GABRR2: variants seen among roughly 807,000 people sequenced by gnomAD.
GABRR2 encodes the protein gamma-aminobutyric acid type A receptor subunit rho2.
Under a neutral mutation model 47.0 loss-of-function variants are expected in GABRR2, and 36 were observed. The observed-to-expected ratio is 0.77, with a 90% CI of 0.59 to 1.01. The LOEUF (loss-of-function observed/expected upper bound fraction) is 1.01. Among genes scored for constraint, GABRR2 ranks in the 50% least tolerant of loss-of-function variants. GABRR2 has a pLI of 0.00. For missense variants in GABRR2, 587 were observed against 594.6 expected (o/e 0.99, Z 0.13); for synonymous variants, 204 against 227.5 (o/e 0.90, Z 0.93).
chr6:89,257,683 G>A lies in GABRR2; in HGVS notation c.1385C>T (p.Ser462Leu), dbSNP rs1159464409. ...GCCTTGGAGCCCCTAGGAAAACACT[G>A]ACCAATAAATTAAGTTGAAAAATAT... ...SYIFFNLIYW[S>L]VFS The change falls in exon 9 of 9, where the codon TCA (serine) becomes TTA (leucine). Residue 462 changes from serine to leucine, a missense_variant. Ser to Leu is a moderately radical substitution (Grantham distance 145). Coordinates refer to ENST00000402938, the MANE Select transcript of GABRR2 (RefSeq NM_002043.5). 5 of 1,612,234 alleles carry A rather than the reference G, an allele frequency of 3.1e-6. No homozygotes were observed. Among genetic ancestry groups the A allele is most frequent in the Non-Finnish European group, 4.2e-6 (5 of 1,178,980 alleles).
intron 1 of GABRR2, among the ~76,000 whole-genome samples, chr6:89,304,080 A>G (rs1310210417): frequency 6.6e-6 from 1 of 152,220 alleles, no homozygotes; most frequent in Non-Finnish European, 1.5e-5. Flanking sequence ...AAAAGCAATT[A>G]CAGCAAAACC....
Position 89,269,160 on chromosome 6 carries a change from C to G in GABRR2, c.363G>C (p.Lys121Asn). The change falls in exon 4 of 9, where the codon AAG becomes AAC. Residue 121 changes from lysine to asparagine, a missense_variant. By Grantham distance (94) the Lys-to-Asn change is moderately conservative. Transcript: ENST00000402938. The stretch of plus-strand genomic sequence containing the variant: ...CCAGCCGGCCATCGAAGGTCATGCT[C>G]TTGTTGCTGGCGCTGGAGAAAGCTA... ...ERLAFSSASN[K>N]SMTFDGRLVK... The G allele has an allele frequency of 6.2e-7, 1 of 1,614,078 alleles. No individual in the cohort carries two copies.
chr6:89,279,014 G>A (rs978368621), intron 2 of GABRR2, among the ~76,000 whole-genome samples: 6 of 152,176 alleles, frequency 3.9e-5, no homozygotes, highest in African/African-American at 1.4e-4. Context: ...GTTTGCTGTG[G>A]CTCACAGTAT....
Position 89,264,330 on chromosome 6 carries a change from C to T in GABRR2, c.1086+82G>A. On this transcript the variant is annotated intron_variant, in intron 8 of 8. Transcript: ENST00000402938. ...CATCTCCTTTTTCTACATGCAACCC[C>T]TGCCTCTGCCCCCTGGCCCAGAAGA... The T allele has an allele frequency of 2.1e-6, 3 of 1,457,540 alleles. No homozygotes were observed. The South Asian group carries it at 4.0e-5, about 19-fold the overall frequency. The allele number at this position is 1,457,540 out of a possible 1,614,324, so 90.3% of individuals were successfully genotyped here. A position where few individuals can be genotyped will look rare whatever the true frequency, so the allele number is the denominator to read the frequency against.
chr6:89,257,972 T>C lies in GABRR2; in HGVS notation c.1096A>G (p.Met366Val). 11 of 1,613,146 alleles carry C rather than the reference T, an allele frequency of 6.8e-6. No homozygotes were observed. Among genetic ancestry groups the C allele is most frequent in the Non-Finnish European group, 9.3e-6 (11 of 1,179,472 alleles). ...GTTTTTGAATGAAGCATTCCACACA[T>C]GCACGGGAACTATGGGCAGCAAGCA... ...ERKLREKFPC[M>V]CGMLHSKTMM... The change falls in exon 9 of 9, where the codon ATG (methionine) becomes GTG (valine). Residue 366 changes from methionine to valine, a missense_variant. Transcript: ENST00000402938.
intron 1 of GABRR2, among the ~76,000 whole-genome samples, chr6:89,305,361 C>A (rs1767540619): frequency 6.6e-6 from 1 of 152,038 alleles, no homozygotes; most frequent in African/African-American, 2.4e-5. Flanking sequence ...ACACATATAC[C>A]ATGAAATACT....
intron 2 of GABRR2, among the ~76,000 whole-genome samples, chr6:89,299,261 C>T (rs1019184171): frequency 2.1e-4 from 32 of 152,144 alleles, no homozygotes; most frequent in African/African-American, 7.7e-4. Context: ...GTGACTCCAT[C>T]AAAACAGCAA....
chr6:89,299,156 C>T (rs1361126224), intron 2 of GABRR2, among the ~76,000 whole-genome samples: 1 of 152,228 alleles, frequency 6.6e-6, no homozygotes, highest in Non-Finnish European at 1.5e-5. Flanking sequence ...CATGCCTCCC[C>T]TCCCTGACCC....
At chr6:89,308,975 T>C (rs1018293521) in intron 1 of GABRR2, among the ~76,000 whole-genome samples, 4 of 151,804 alleles carry the variant, frequency 2.6e-5, no homozygotes, top group African/African-American at 9.7e-5. Flanking sequence ...CGTGACAAAG[T>C]AGGGTAAGGA....
intron 8 of GABRR2, among the ~76,000 whole-genome samples, chr6:89,259,232 G>A (rs1773682196): frequency 6.6e-6 from 1 of 151,998 alleles, no homozygotes; most frequent in African/African-American, 2.4e-5. Context: ...AGCCCTTCAG[G>A]GCGTCTGTTT....
Position 89,315,136 on chromosome 6 carries a change from G to T in GABRR2, c.30C>A (p.Phe10Leu). 1 of 1,613,874 alleles carries T rather than the reference G, an allele frequency of 6.2e-7. No homozygotes were observed. The highest frequency in any genetic ancestry group is 8.5e-7 in the Non-Finnish European group (1 of 1,179,860). ...CCACGAGAACCATCAAGCAAAACAA[G>T]AACAAAATGAGTCTTGTAAAATAAG... MPYFTRLIL[F>L]LFCLMVLVES... Residue 10 changes from phenylalanine (F) to leucine (L), a missense_variant, in exon 1 of 9, where the codon TTC (phenylalanine) becomes TTA (leucine). By Grantham distance (22) the Phe-to-Leu change is conservative. Coordinates refer to ENST00000402938, the MANE Select transcript of GABRR2 (RefSeq NM_002043.5).
rs1310158438 is a variant in GABRR2, at chr6:89,256,620, A to T, written c.*1050T>A. ...CCACACCAGATAGTCTATGCCAACAATGTGATTTATGATAGGTGCCCTGGA... is the reference window on the plus strand; with the variant it reads ...CCACACCAGATAGTCTATGCCAACATTGTGATTTATGATAGGTGCCCTGGA... On this transcript the variant is annotated 3_prime_UTR_variant, in exon 9 of 9. Transcript: ENST00000402938. 6.6e-6 allele frequency among the ~76,000 whole-genome samples: 1 copy of T among 152,132 alleles called. No homozygotes were observed. The highest frequency in any genetic ancestry group is 1.5e-5 in the Non-Finnish European group (1 of 68,016).
Position 89,299,847 on chromosome 6 carries a change from GTTC to G in GABRR2, c.129_131del (p.Lys43del), listed in dbSNP as rs1433476840. 1 of 1,612,694 alleles carries G rather than the reference GTTC, an allele frequency of 6.2e-7. No individual in the cohort carries two copies. Among genetic ancestry groups the G allele is most frequent in the African/African-American group, 1.3e-5 (1 of 75,012 alleles). ...CCTTCCGGATCTTGGTCACATCAAG[GTTC>G]TTCTTATATAAGTGACTGTGAAGAC... On this transcript the variant is annotated inframe_deletion, in exon 2 of 9. Transcript: ENST00000402938.
At chr6:89,307,311 A>C (rs1440327658) in intron 1 of GABRR2, among the ~76,000 whole-genome samples, 1 of 152,210 alleles carries the variant, frequency 6.6e-6, no homozygotes, top group African/African-American at 2.4e-5. Flanking sequence ...TTCCAAACTT[A>C]GCATTTTTAG....
At chr6:89,308,106 C>T (rs1026905917) in intron 1 of GABRR2, among the ~76,000 whole-genome samples, 7 of 152,272 alleles carry the variant, frequency 4.6e-5, no homozygotes, top group Non-Finnish European at 5.9e-5. Context: ...TGAGCCACCG[C>T]GCTCGGCCTT....
chr6:89,302,695 T>C, intron 1 of GABRR2: 2 of 1,324,814 alleles, frequency 1.5e-6, no homozygotes, highest in Non-Finnish European at 2.1e-6. Flanking sequence ...GGCTGCTACC[T>C]GGCAGTGGCC....
chr6:89,294,314 T>A (rs1774519741), intron 2 of GABRR2, among the ~76,000 whole-genome samples: 1 of 152,054 alleles, frequency 6.6e-6, no homozygotes, highest in African/African-American at 2.4e-5. Context: ...CAGGCTAAAT[T>A]TTTGTATGTT....
intron 2 of GABRR2, among the ~76,000 whole-genome samples, chr6:89,292,786 A>C (rs1341733174): frequency 4.4e-5 from 4 of 91,836 alleles, no homozygotes; most frequent in African/African-American, 1.7e-4. Context: ...TATCGTATAT[A>C]CGATATATCG....
chr6:89,271,349 G>C (rs1276035838), intron 3 of GABRR2, among the ~76,000 whole-genome samples: 6 of 152,190 alleles, frequency 3.9e-5, no homozygotes, highest in Non-Finnish European at 8.8e-5. Flanking sequence ...TACCCCACCA[G>C]GTGTGGTTCG....
Sources: gnomAD v4.1 joint callset for allele counts (sites outside exome capture counted in the v4.1 genomes callset) on GRCh38, gnomAD v4.1.1 for gene constraint, MANE v1.5 for transcripts, NCBI Gene and HGNC (gene_info 2026-07-23, HGNC 2026-07-21) for gene names.